The following TBL1X variants were observed in gnomAD, a reference collection of about 807,000 sequenced individuals.
TBL1X encodes transducin beta like 1 X-linked.
Under a neutral mutation model 50.7 loss-of-function variants are expected in TBL1X, and 10 were observed. The ratio of observed to expected loss-of-function variants is 0.20; its 90% CI spans 0.12 to 0.33. The LOEUF is 0.33. TBL1X is among the 10% of genes least tolerant of loss of function. TBL1X has a pLI of 1.00. For missense variants in TBL1X, 340 were observed against 504.4 expected (o/e 0.67, Z 3.12); for synonymous variants, 190 against 214.7 (o/e 0.88, Z 1.01).
intron 2 of TBL1X, among the ~76,000 whole-genome samples, chrX:9,559,516 A>T (rs750751993): frequency 6.3e-5 from 7 of 111,954 alleles, no homozygotes; most frequent in South Asian, 7.4e-4. Flanking sequence ...TACTCTATCA[A>T]AAGCAGCTGG....
chrX:9,572,614 C>T (rs927572045), intron 2 of TBL1X, among the ~76,000 whole-genome samples: 3 of 112,569 alleles, frequency 2.7e-5, no homozygotes, highest in South Asian at 3.7e-4. Context: ...ATCACAGTAC[C>T]GAATTCCAAA....
At chrX:9,586,406 T>C (rs1455648824) in intron 2 of TBL1X, among the ~76,000 whole-genome samples, 1 of 112,549 alleles carries the variant, frequency 8.9e-6, no homozygotes, top group Admixed American at 9.4e-5. Context: ...AGAGAAATAC[T>C]GTATAATCCC....
At chrX:9,670,404 A>G (rs1387491163) in intron 5 of TBL1X, among the ~76,000 whole-genome samples, 1 of 111,118 alleles carries the variant, frequency 9.0e-6, no homozygotes, top group East Asian at 2.8e-4. Flanking sequence ...CTATCTTTAA[A>G]AACCCTAATC....
chrX:9,605,653 A>G (rs2082579382), intron 2 of TBL1X, among the ~76,000 whole-genome samples: 1 of 112,508 alleles, frequency 8.9e-6, no homozygotes, highest in African/African-American at 3.2e-5. Flanking sequence ...AGAAAAAAGA[A>G]AATCAGTCTG....
chrX:9,569,054 C>CT (rs1313548591), intron 2 of TBL1X, among the ~76,000 whole-genome samples: 1 of 50,443 alleles, frequency 2.0e-5, no homozygotes, highest in African/African-American at 8.4e-5. Flanking sequence ...ATGTGTGTGT[C>CT]TATCTGTGCT....
At chrX:9,575,377 C>G (rs760763091) in intron 2 of TBL1X, among the ~76,000 whole-genome samples, 30 of 111,763 alleles carry the variant, frequency 2.7e-4, no homozygotes, top group African/African-American at 9.4e-4. Flanking sequence ...TCTTCCCTCC[C>G]TGTCCCAACC....
chrX:9,536,256 T>A (rs1464918254), intron 2 of TBL1X, among the ~76,000 whole-genome samples: 7 of 50,297 alleles, frequency 1.4e-4, no homozygotes, highest in Non-Finnish European at 2.3e-4. Flanking sequence ...GAATTGAGCA[T>A]TTTTTTTTTT....
chrX:9,592,644 C>T (rs1441107701), intron 2 of TBL1X, among the ~76,000 whole-genome samples: 1 of 111,672 alleles, frequency 9.0e-6, no homozygotes, highest in Non-Finnish European at 1.9e-5. Context: ...CCCCTCCCCA[C>T]ACTCAGTCCC....
At chrX:9,707,694 C>T (rs1360168342) in intron 13 of TBL1X, among the ~76,000 whole-genome samples, 1 of 112,756 alleles carries the variant, frequency 8.9e-6, no homozygotes, top group Non-Finnish European at 1.9e-5. Context: ...TGAACAGCTG[C>T]AGTCAGAGCC....
intron 9 of TBL1X, among the ~76,000 whole-genome samples, chrX:9,692,555 A>G (rs1419691690): frequency 1.8e-5 from 2 of 112,221 alleles, no homozygotes; most frequent in Non-Finnish European, 3.8e-5. Flanking sequence ...TTACAGGCTC[A>G]TGCCACCACA....
At chrX:9,617,790 A>C (rs193214178) in intron 2 of TBL1X, among the ~76,000 whole-genome samples, 1 of 112,571 alleles carries the variant, frequency 8.9e-6, no homozygotes, top group African/African-American at 3.2e-5. Context: ...GTTTTGGATA[A>C]GAGAGGAGCC....
intron 16 of TBL1X, among the ~76,000 whole-genome samples, chrX:9,712,365 TCTCA>T (rs1376272297): frequency 1.8e-5 from 2 of 112,561 alleles, no homozygotes; most frequent in African/African-American, 6.5e-5. Context: ...TGAGACGGAG[TCTCA>T]CTCTGTCACC....
intron 2 of TBL1X, among the ~76,000 whole-genome samples, chrX:9,549,544 T>A (rs2082260831): frequency 8.9e-6 from 1 of 111,810 alleles, no homozygotes; most frequent in Non-Finnish European, 1.9e-5. Context: ...AAATATTTAC[T>A]CTCTGGCCCT....
In TBL1X at chrX:9,630,066, A is replaced by G. The variant is rs1026491653; in HGVS notation, c.-130-10207A>G. On this transcript the variant is annotated intron_variant, in intron 2 of 17. Transcript: ENST00000645353. ...GGGTTCAGGATATTTGTTAAGTCCC[A>G]TAAAGGTGTTTTAAGTGAACAGCTG... is the stretch of plus-strand genomic sequence containing the variant. Among the ~76,000 whole-genome samples the G allele has an allele frequency of 5.4e-5, 6 of 111,207 alleles. No individual in the cohort carries two copies. The Admixed American group carries it at 5.7e-4, about 11-fold the overall frequency.
intron 1 of TBL1X, among the ~76,000 whole-genome samples, chrX:9,477,301 C>G (rs1322997553): frequency 1.8e-5 from 2 of 112,173 alleles, no homozygotes; most frequent in Admixed American, 1.9e-4. Flanking sequence ...AGTAAATGTT[C>G]AACCTTCTCT....
At position 9,497,973 on chromosome X, in the gene TBL1X, C is replaced by G. The variant is rs74986476; in HGVS notation, c.-200-3807C>G. Among the ~76,000 whole-genome samples, 698 of 99,369 alleles carry G rather than the reference C, an allele frequency of 7.0e-3. 19 individuals carry two copies. The highest frequency in any genetic ancestry group is 0.065 in the Admixed American group (578 of 8,947). 86.3% of individuals were successfully genotyped at this position (99,369 alleles called of 115,157 possible). A position where few individuals can be genotyped will look rare whatever the true frequency, so the allele number is the denominator to read the frequency against. Reference sequence around the variant, plus strand: ...TCTGGAACTCCTGGGCTCAAGTGATCCTCCTGCCCCAGCCTCCCAAAGTGC... The same window carrying G: ...TCTGGAACTCCTGGGCTCAAGTGATGCTCCTGCCCCAGCCTCCCAAAGTGC... On this transcript the variant is annotated intron_variant, in intron 1 of 17. Coordinates refer to ENST00000645353, the MANE Select transcript of TBL1X (RefSeq NM_005647.4).
At chrX:9,485,956 A>G (rs1601708255) in intron 1 of TBL1X, among the ~76,000 whole-genome samples, 2 of 110,921 alleles carry the variant, frequency 1.8e-5, no homozygotes, top group South Asian at 7.7e-4. Context: ...TTGGTCAACC[A>G]TCTGAAGGGA....
intron 12 of TBL1X, among the ~76,000 whole-genome samples, chrX:9,699,082 G>C (rs745418206): frequency 1.0e-3 from 114 of 111,688 alleles, no homozygotes; most frequent in Non-Finnish European, 2.0e-3. Context: ...CCATGCTCAA[G>C]CGATTCTCCT....
At chrX:9,463,883 G>A (rs775867757), upstream of TBL1X, among the ~76,000 whole-genome samples, 6 of 99,220 alleles carry the variant, frequency 6.0e-5, no homozygotes, top group South Asian at 3.0e-3. Flanking sequence ...GACAGAGCGA[G>A]ACTCCTCAGA....
Sources: allele counts gnomAD v4.1 joint callset (sites outside exome capture counted in the v4.1 genomes callset), GRCh38; gene constraint gnomAD v4.1.1; transcripts MANE v1.5; gene names NCBI Gene and HGNC (gene_info 2026-07-23, HGNC 2026-07-21).